Variants in CFAP47 observed in about 807,000 individuals in gnomAD.
CFAP47 encodes the protein cilia- and flagella-associated protein 47.
CFAP47 carries 29 observed loss-of-function variants against 148.1 expected under a neutral mutation model. That is an observed-to-expected ratio of 0.20 (90% CI 0.15 to 0.27). CFAP47 has a LOEUF of 0.27. Among genes scored for constraint, CFAP47 ranks in the 10% least tolerant of loss-of-function variants. The probability of loss-of-function intolerance (pLI) is 1.00; values close to 1 mark genes in which losing one functional copy is unlikely to be tolerated. For synonymous variants in CFAP47, 664 were observed against 577.3 expected, an observed-to-expected ratio of 1.15 and a Z score of -2.15; for missense variants, 1,872 against 1,697.5, an observed-to-expected ratio of 1.10 and a Z score of -1.81.
chrX:36,199,238 G>T lies in CFAP47; in HGVS notation c.6322-1141G>T, dbSNP rs1042455467. On this transcript the variant is annotated intron_variant, in intron 42 of 63. Coordinates refer to ENST00000378653, the MANE Select transcript of CFAP47 (RefSeq NM_001304548.2). ...CTTTTCCTTTTTATTAAAACTCTAG[G>T]TTCCTAAAATTAAGGTATTGATCAT... Among the ~76,000 whole-genome samples the T allele has an allele frequency of 3.6e-5, 4 of 111,374 alleles. No individual in the cohort carries two copies. The East Asian group carries it at 1.1e-3, about 32-fold the overall frequency.
intron 57 of CFAP47, among the ~76,000 whole-genome samples, chrX:36,335,650 A>G (rs1290295427): frequency 1.8e-5 from 2 of 111,591 alleles, no homozygotes; most frequent in Admixed American, 9.5e-5. Context: ...AACATTCTTG[A>G]TGTGACAAAA....
At chrX:36,337,465 A>G (rs781884860) in intron 57 of CFAP47, among the ~76,000 whole-genome samples, 2 of 111,723 alleles carry the variant, frequency 1.8e-5, no homozygotes, top group East Asian at 5.7e-4. Context: ...AGAGAAAGGG[A>G]GGTAGAGAAA....
At chrX:36,217,078 C>G (rs1194592867) in intron 45 of CFAP47, among the ~76,000 whole-genome samples, 3 of 111,923 alleles carry the variant, frequency 2.7e-5, no homozygotes, top group Non-Finnish European at 5.6e-5. Context: ...GGCTCATACC[C>G]AGGAATAAAC....
intron 60 of CFAP47, among the ~76,000 whole-genome samples, chrX:36,358,715 C>A (rs1201321053): frequency 4.5e-5 from 5 of 111,598 alleles, no homozygotes; most frequent in Non-Finnish European, 9.4e-5. Flanking sequence ...CTCCTCTCAC[C>A]CTCTCTGCTC....
At position 36,329,148 on chromosome X, in the gene CFAP47, C is replaced by T. The variant is rs903042746; in HGVS notation, c.8443+9841C>T. ...ATACAAACAGAAAATACTAATATTA[C>T]AGTGATGAAACCTGGAGGATACCAC... On this transcript the variant is annotated intron_variant, in intron 57 of 63. Transcript: ENST00000378653. Among the ~76,000 whole-genome samples, 32 of 111,314 alleles carry T rather than the reference C, an allele frequency of 2.9e-4. 1 individual carries two copies. Among genetic ancestry groups the T allele is most frequent in the African/African-American group, 1.0e-3 (31 of 30,652 alleles).
chrX:36,145,018 G>A (rs1411237716), intron 35 of CFAP47: 6 of 418,656 alleles, frequency 1.4e-5, no homozygotes, highest in Non-Finnish European at 2.4e-5. Flanking sequence ...GTGGGACTTC[G>A]CCTTTGTGAT....
chrX:36,135,151 G>A (rs781003898), intron 33 of CFAP47, among the ~76,000 whole-genome samples: 1 of 110,379 alleles, frequency 9.1e-6, no homozygotes, highest in Non-Finnish European at 1.9e-5. Context: ...GGGTGAGAAG[G>A]GAGTGAGGGA....
intron 21 of CFAP47, among the ~76,000 whole-genome samples, chrX:36,012,907 G>A (rs898660185): frequency 2.7e-5 from 3 of 111,214 alleles, no homozygotes; most frequent in Non-Finnish European, 5.7e-5. Flanking sequence ...CTAGCCTCAA[G>A]ACAACTGCTG....
chrX:36,314,638 C>G (rs1385793579), intron 56 of CFAP47, among the ~76,000 whole-genome samples: 1 of 111,249 alleles, frequency 9.0e-6, no homozygotes, highest in African/African-American at 3.3e-5. Context: ...TGTAAGGAGG[C>G]AGTTTTAGGC....
In CFAP47 at chrX:36,204,973, G is replaced by A. The variant is rs782052830; in HGVS notation, c.6680G>A (p.Arg2227His). The change falls in exon 45 of 64, where the codon CGT becomes CAT. Residue 2227 changes from arginine to histidine, a missense_variant. Coordinates refer to ENST00000378653, the MANE Select transcript of CFAP47 (RefSeq NM_001304548.2). Reference protein sequence around the residue: ...LTKIETLMLFRISKLRKPKTV... With the variant: ...LTKIETLMLFHISKLRKPKTV... ...TGTTCACAGACTCTTATGCTCTTTC[G>A]TATCTCAAAGTTGAGGAAGCCTAAG... 15 of 295,213 alleles carry A rather than the reference G, an allele frequency of 5.1e-5. No homozygotes were observed. The highest frequency in any genetic ancestry group is 1.9e-4 in the Admixed American group (3 of 16,124). 24.3% of individuals were successfully genotyped at this position (295,213 alleles called of 1,213,427 possible). A position where few individuals can be genotyped will look rare whatever the true frequency, so the allele number is the denominator to read the frequency against.
intron 2 of CFAP47, among the ~76,000 whole-genome samples, chrX:35,937,104 GTTTTTTTTTT>G (rs377601530): frequency 2.2e-4 from 12 of 55,541 alleles, no homozygotes; most frequent in Admixed American, 6.1e-4. Flanking sequence ...TGCAATTGCT[GTTTTTTTTTT>G]TTTTTTTTTT....
At chrX:36,035,300 G>A (rs894463999) in intron 23 of CFAP47, among the ~76,000 whole-genome samples, 1 of 111,438 alleles carries the variant, frequency 9.0e-6, no homozygotes, top group African/African-American at 3.3e-5. Flanking sequence ...CAAAGTTACT[G>A]ACGTCAATTT....
At chrX:36,134,805 G>A (rs772751980) in intron 33 of CFAP47, among the ~76,000 whole-genome samples, 18 of 110,898 alleles carry the variant, frequency 1.6e-4, no homozygotes, top group Non-Finnish European at 2.5e-4. Context: ...CTGGGGGAAA[G>A]TATTTTTGAA....
intron 54 of CFAP47, among the ~76,000 whole-genome samples, chrX:36,304,760 C>T (rs1556008518): frequency 2.7e-5 from 3 of 111,452 alleles, no homozygotes; most frequent in Admixed American, 9.6e-5. Flanking sequence ...CTCTGCCCAA[C>T]TTTCTCATTC....
intron 2 of CFAP47, among the ~76,000 whole-genome samples, chrX:35,929,038 C>T (rs1472084841): frequency 9.0e-6 from 1 of 111,358 alleles, no homozygotes; most frequent in African/African-American, 3.3e-5. Flanking sequence ...ATCATGCTAC[C>T]TTAATTACCT....
chrX:36,108,621 A>G (rs1938502349), intron 33 of CFAP47, among the ~76,000 whole-genome samples: 1 of 111,576 alleles, frequency 9.0e-6, no homozygotes, highest in South Asian at 3.7e-4. Flanking sequence ...TCACACAGCC[A>G]TACTTAGTTC....
chrX:36,007,588 G>C (rs923397135), intron 21 of CFAP47, among the ~76,000 whole-genome samples: 1 of 112,217 alleles, frequency 8.9e-6, no homozygotes, highest in South Asian at 3.7e-4. Context: ...CTGTGTAAAA[G>C]ATAAGTCTTG....
chrX:36,231,888 T>C (rs1940366632), intron 46 of CFAP47, among the ~76,000 whole-genome samples: 1 of 111,987 alleles, frequency 8.9e-6, no homozygotes, highest in Non-Finnish European at 1.9e-5. Context: ...TTTTTGTCTT[T>C]GGTTCTGCTT....
chrX:35,960,983 G>C (rs1034341395), intron 8 of CFAP47, among the ~76,000 whole-genome samples: 18 of 111,809 alleles, frequency 1.6e-4, no homozygotes, highest in African/African-American at 5.8e-4. Flanking sequence ...TTTCATGTTA[G>C]CTGTAAGTTT....
Sources: allele counts gnomAD v4.1 joint callset (sites outside exome capture counted in the v4.1 genomes callset), GRCh38; gene constraint gnomAD v4.1.1; transcripts MANE v1.5; gene names NCBI Gene and HGNC (gene_info 2026-07-23, HGNC 2026-07-21).